The following ACTR3C variants were observed in gnomAD, a reference collection of about 807,000 sequenced individuals.
ACTR3C encodes the protein actin-related protein 3C.
A neutral mutation model predicts 26.3 loss-of-function variants in ACTR3C; 18 were observed. That is an observed-to-expected ratio of 0.68 (90% CI 0.47 to 1.01). ACTR3C has a LOEUF of 1.01. Among genes scored for constraint, ACTR3C ranks in the 50% least tolerant of loss-of-function variants. The pLI, the probability that ACTR3C is intolerant of heterozygous loss-of-function variation, is 0.00. For missense variants in ACTR3C, 184 were observed against 250.7 expected (o/e 0.73, Z 1.80); for synonymous variants, 55 against 94.5 (o/e 0.58, Z 2.42).
chr7:150,236,848 C>A, the ACTR3C span, among the ~76,000 whole-genome samples: 6 of 150,040 alleles, frequency 4.0e-5, no homozygotes, highest in Non-Finnish European at 7.4e-5. Context: ...GCTTTGTTTC[C>A]TACCTTCCAG....
the ACTR3C span, among the ~76,000 whole-genome samples, chr7:149,959,041 T>C: frequency 1.3e-5 from 2 of 152,218 alleles, no homozygotes; most frequent in African/African-American, 4.8e-5. Context: ...CATACCACAG[T>C]CATTTCCCAT....
At chr7:149,969,330 T>TGTGTGA in the ACTR3C span, among the ~76,000 whole-genome samples, 17 of 107,494 alleles carry the variant, frequency 1.6e-4, no homozygotes, top group African/African-American at 5.5e-4. Flanking sequence ...TGTGTGTGTG[T>TGTGTGA]GATGCTGCCC....
At chr7:150,235,990 G>A in the ACTR3C span, among the ~76,000 whole-genome samples, 2 of 150,316 alleles carry the variant, frequency 1.3e-5, no homozygotes. Flanking sequence ...TACCTTTTGT[G>A]CATTATATTT....
the ACTR3C span, among the ~76,000 whole-genome samples, chr7:150,221,998 C>CAAAAAAAAAAAAAAAAAAAAAAA: frequency 1.5e-4 from 12 of 79,798 alleles, no homozygotes; most frequent in African/African-American, 6.9e-4. Context: ...ACTCCGTCTC[C>CAAAAAAAAAAAAAAAAAAAAAAA]AAAAAAAAAA....
At chr7:150,267,945 G>A (rs1429093230) in intron 6 of ACTR3C, among the ~76,000 whole-genome samples, 2 of 152,040 alleles carry the variant, frequency 1.3e-5, no homozygotes, top group Non-Finnish European at 2.9e-5. Flanking sequence ...TTTTCAAACC[G>A]TACACTTACA....
the ACTR3C span, chr7:149,890,798 G>C: frequency 5.7e-6 from 1 of 176,572 alleles, no homozygotes; most frequent in Non-Finnish European, 1.2e-5. Context: ...CTGGGAAAGG[G>C]TCTCTAAATT....
the ACTR3C span, among the ~76,000 whole-genome samples, chr7:150,110,128 A>G: frequency 8.7e-6 from 1 of 115,420 alleles, no homozygotes; most frequent in East Asian, 2.3e-4. Flanking sequence ...TGTTTTCCAA[A>G]CAATAGGAAC....
intron 6 of ACTR3C, among the ~76,000 whole-genome samples, chr7:150,257,753 T>C (rs1833323797): frequency 6.6e-6 from 1 of 152,226 alleles, no homozygotes; most frequent in Admixed American, 6.5e-5. Flanking sequence ...TTGTATATTA[T>C]GTCAGACCAA....
chr7:150,022,331 G>A, the ACTR3C span, among the ~76,000 whole-genome samples: 3 of 150,176 alleles, frequency 2.0e-5, no homozygotes, highest in African/African-American at 7.4e-5. Context: ...TTTTTTTCTT[G>A]CTGATTTGTT....
the ACTR3C span, among the ~76,000 whole-genome samples, chr7:149,917,608 G>T: frequency 6.9e-6 from 1 of 144,786 alleles, no homozygotes; most frequent in Admixed American, 7.0e-5. Flanking sequence ...AAGTAGAAAT[G>T]TTACATCTTA....
chr7:149,997,643 T>C, the ACTR3C span, among the ~76,000 whole-genome samples: 4 of 149,682 alleles, frequency 2.7e-5, no homozygotes, highest in East Asian at 8.6e-4. Flanking sequence ...GATTATCCTC[T>C]ATTTTCCTCT....
chr7:149,967,028 A>ATTTTTTTT, the ACTR3C span, among the ~76,000 whole-genome samples: 1,377 of 64,702 alleles, frequency 0.021, 290 homozygotes, highest in Middle Eastern at 0.091. Context: ...TGCACAGCTA[A>ATTTTTTTT]TTTTTTTTTT....
rs1311654396 is a variant in ACTR3C at position 150,247,373 on chromosome 7, G to C, written c.*235C>G. 6.6e-6 allele frequency: 1 copy of C among 151,368 alleles called. No individual in the cohort carries two copies. Among genetic ancestry groups the C allele is most frequent in the East Asian group, 1.9e-4 (1 of 5,140 alleles). The allele number at this position is 151,368 out of a possible 1,614,324, so 9.4% of individuals were successfully genotyped here. A position where few individuals can be genotyped will look rare whatever the true frequency, so the allele number is the denominator to read the frequency against. On this transcript the variant is annotated 3_prime_UTR_variant, in exon 8 of 8. Transcript: ENST00000683684. ...CAAGAACATGCACATCTTCACCTGG[G>C]CTTGCTGCTGCCCCACGTAGTAAGG...
chr7:150,277,938 G>A (rs919399280), intron 6 of ACTR3C, among the ~76,000 whole-genome samples: 11 of 152,084 alleles, frequency 7.2e-5, no homozygotes, highest in Non-Finnish European at 4.4e-5. Context: ...ACGCCCTCAG[G>A]ATAAAATCTA....
chr7:150,161,542 A>G, the ACTR3C span, among the ~76,000 whole-genome samples: 1 of 151,950 alleles, frequency 6.6e-6, no homozygotes, highest in Non-Finnish European at 1.5e-5. Context: ...AAGGACATGA[A>G]CTCATCATTT....
At chr7:150,314,253 T>A (rs927468103) in intron 1 of ACTR3C, among the ~76,000 whole-genome samples, 1 of 152,248 alleles carries the variant, frequency 6.6e-6, no homozygotes, top group Non-Finnish European at 1.5e-5. Flanking sequence ...AGAACAGTTG[T>A]CAGCCTTGTT....
the ACTR3C span, among the ~76,000 whole-genome samples, chr7:150,114,758 CT>C: frequency 6.6e-6 from 1 of 152,192 alleles, no homozygotes; most frequent in African/African-American, 2.4e-5. Context: ...CCATACAGCC[CT>C]GAACGCACCT....
At chr7:150,153,285 A>G in the ACTR3C span, among the ~76,000 whole-genome samples, 1 of 152,100 alleles carries the variant, frequency 6.6e-6, no homozygotes, top group Non-Finnish European at 1.5e-5. Flanking sequence ...GTGAACAGGC[A>G]ACCTACAGAA....
the ACTR3C span, among the ~76,000 whole-genome samples, chr7:150,088,893 G>T: frequency 3.3e-5 from 5 of 152,106 alleles, no homozygotes; most frequent in East Asian, 1.9e-4. Flanking sequence ...TTCATCTCAA[G>T]AATACATTTG....
Sources: gnomAD v4.1 joint callset for allele counts (sites outside exome capture counted in the v4.1 genomes callset) on GRCh38, gnomAD v4.1.1 for gene constraint, MANE v1.5 for transcripts, NCBI Gene and HGNC (gene_info 2026-07-23, HGNC 2026-07-21) for gene names.